Variants in TTC29 observed in about 807,000 individuals in gnomAD.
TTC29 encodes the protein tetratricopeptide repeat domain 29, also known as tetratricopeptide repeat protein 29.
Under a neutral mutation model 58.1 loss-of-function variants are expected in TTC29, and 49 were observed. The ratio of observed to expected loss-of-function variants is 0.84; its 90% CI spans 0.67 to 1.07. TTC29 has a LOEUF of 1.07. Among genes scored for constraint, TTC29 ranks in the 50% least tolerant of loss-of-function variants. The pLI, the probability that TTC29 is intolerant of heterozygous loss-of-function variation, is 0.00. For missense variants in TTC29, 582 were observed against 555.6 expected (o/e 1.05, Z -0.48); for synonymous variants, 209 against 196.8 (o/e 1.06, Z -0.52).
chr4:146,716,114 T>C (rs1193347421), intron 11 of TTC29, among the ~76,000 whole-genome samples: 1 of 152,162 alleles, frequency 6.6e-6, no homozygotes, highest in Non-Finnish European at 1.5e-5. Context: ...TAAGAAAGCC[T>C]GTCTCTAATT....
At position 146,728,425 on chromosome 4, in the gene TTC29, T is replaced by C. The variant is rs116578220; in HGVS notation, c.1331-20874A>G. ...CAACTCCTACACATATATAAGGCTT[T>C]TAAAATTTGCTTGCCCTTCAGCCTG... On this transcript the variant is annotated intron_variant, in intron 11 of 12. Coordinates refer to ENST00000325106, the MANE Select transcript of TTC29 (RefSeq NM_031956.4). Among the ~76,000 whole-genome samples, 457 of 152,064 alleles carry C rather than the reference T, an allele frequency of 3.0e-3. 6 individuals are homozygous for C. The highest frequency in any genetic ancestry group is 0.01 in the African/African-American group (428 of 41,514).
chr4:146,737,591 G>GGC (rs1554007342), intron 11 of TTC29, among the ~76,000 whole-genome samples: 3 of 8,834 alleles, frequency 3.4e-4, no homozygotes, highest in Non-Finnish European at 1.0e-3. Flanking sequence ...TAGTAGCCCT[G>GGC]GGGGGGGGGG....
At chr4:146,890,859 C>CT (rs758592311) in intron 6 of TTC29, among the ~76,000 whole-genome samples, 48 of 151,824 alleles carry the variant, frequency 3.2e-4, no homozygotes, top group Admixed American at 7.9e-4. Context: ...TTGTTTTTTG[C>CT]TTTTTTTTAA....
chr4:146,767,990 C>T (rs1561106128), intron 11 of TTC29, among the ~76,000 whole-genome samples: 1 of 152,110 alleles, frequency 6.6e-6, no homozygotes, highest in East Asian at 1.9e-4. Flanking sequence ...TTCCATGATT[C>T]TATGAACATA....
At chr4:146,872,459 G>C (rs1730994668) in intron 7 of TTC29, among the ~76,000 whole-genome samples, 1 of 151,784 alleles carries the variant, frequency 6.6e-6, no homozygotes, top group Non-Finnish European at 1.5e-5. Context: ...AAAACCCACA[G>C]AATAGGAGAA....
At chr4:146,913,932 A>G (rs1734057270) in intron 4 of TTC29, among the ~76,000 whole-genome samples, 1 of 152,210 alleles carries the variant, frequency 6.6e-6, no homozygotes, top group Non-Finnish European at 1.5e-5. Context: ...CATTCTTTAC[A>G]GATGATGTTA....
chr4:146,913,797 C>T (rs565363362), intron 4 of TTC29, among the ~76,000 whole-genome samples: 2 of 152,076 alleles, frequency 1.3e-5, no homozygotes, highest in South Asian at 4.1e-4. Flanking sequence ...TGTCTGTGAC[C>T]AAAGAACACT....
intron 6 of TTC29, among the ~76,000 whole-genome samples, chr4:146,889,431 GA>G (rs1159153230): frequency 2.6e-5 from 4 of 152,104 alleles, no homozygotes; most frequent in Admixed American, 2.6e-4. Context: ...CTAACAGTGT[GA>G]AAAGGAATAA....
chr4:146,732,312 T>C (rs951676906), intron 11 of TTC29, among the ~76,000 whole-genome samples: 3 of 152,184 alleles, frequency 2.0e-5, no homozygotes, highest in Non-Finnish European at 2.9e-5. Context: ...CTATTGGAAG[T>C]ATTTTAAGAA....
intron 5 of TTC29, among the ~76,000 whole-genome samples, chr4:146,905,093 G>T (rs1407196653): frequency 6.6e-6 from 1 of 152,188 alleles, no homozygotes; most frequent in Non-Finnish European, 1.5e-5. Context: ...CCAGGTGACA[G>T]CTCAGGTGAA....
intron 11 of TTC29, among the ~76,000 whole-genome samples, chr4:146,781,880 G>A (rs902211227): frequency 6.6e-6 from 1 of 151,696 alleles, no homozygotes; most frequent in East Asian, 1.9e-4. Flanking sequence ...AGAAATCAGT[G>A]GTAGAGTAAA....
chr4:146,895,491 A>G (rs1462667928), intron 6 of TTC29, among the ~76,000 whole-genome samples: 1 of 151,754 alleles, frequency 6.6e-6, no homozygotes, highest in Non-Finnish European at 1.5e-5. Flanking sequence ...GAGGCAGGAC[A>G]TATCCGACTG....
chr4:146,825,527 T>C (rs906503610), intron 9 of TTC29, among the ~76,000 whole-genome samples: 5 of 152,204 alleles, frequency 3.3e-5, no homozygotes, highest in Admixed American at 6.5e-5. Context: ...TCCAATTATG[T>C]GGTCAATTTT....
Position 146,820,141 on chromosome 4 carries a change from T to C in TTC29, c.1085A>G (p.Asp362Gly). The C allele has an allele frequency of 6.2e-7, 1 of 1,613,048 alleles. No individual in the cohort carries two copies. The highest frequency in any genetic ancestry group is 1.7e-5 in the Admixed American group (1 of 59,964). The change falls in exon 10 of 13, where the codon GAC becomes GGC. Residue 362 changes from aspartate to glycine, a missense_variant. Coordinates refer to ENST00000325106, the MANE Select transcript of TTC29 (RefSeq NM_031956.4). ...DLVRASTMLG[D>G]IYNEKGYYNK... ...TAGACTCACTTTTTCATTGTAGATG[T>C]CCCCAAGCATTGTACTTGCTCTCAC...
At chr4:146,893,212 C>T (rs1239181865) in intron 6 of TTC29, among the ~76,000 whole-genome samples, 3 of 152,064 alleles carry the variant, frequency 2.0e-5, no homozygotes, top group Admixed American at 1.3e-4. Context: ...AAACAGAGCT[C>T]GCATCACCAA....
At chr4:146,794,855 G>A (rs1749727992) in intron 11 of TTC29, among the ~76,000 whole-genome samples, 1 of 151,998 alleles carries the variant, frequency 6.6e-6, no homozygotes, top group Admixed American at 6.6e-5. Context: ...TGTTACATAG[G>A]TAAATGGAAA....
rs72731899 is a variant in TTC29 at position 146,813,266 on chromosome 4, G to A, written c.1101+6859C>T. Among the ~76,000 whole-genome samples, 1,439 of 152,250 alleles carry A rather than the reference G, an allele frequency of 9.5e-3. 13 individuals carry two copies. The highest frequency in any genetic ancestry group is 0.014 in the Non-Finnish European group (950 of 68,020). On this transcript the variant is annotated intron_variant, in intron 10 of 12. Coordinates refer to ENST00000325106, the MANE Select transcript of TTC29 (RefSeq NM_031956.4). ...TGGAACCACCATTCTTTTTAACTAT[G>A]TCATTAGTCTATGATTTTATTAAGG...
intron 8 of TTC29, among the ~76,000 whole-genome samples, chr4:146,856,398 A>C (rs1391763730): frequency 1.3e-5 from 2 of 152,120 alleles, no homozygotes; most frequent in Non-Finnish European, 2.9e-5. Flanking sequence ...ATGTTAAAAA[A>C]AATCAATAAA....
intron 8 of TTC29, among the ~76,000 whole-genome samples, chr4:146,862,790 G>A (rs569110281): frequency 1.3e-5 from 2 of 152,214 alleles, no homozygotes; most frequent in African/African-American, 4.8e-5. Context: ...CTAGTTTCCC[G>A]AAGCCTCTAC....
Sources: allele counts gnomAD v4.1 joint callset (sites outside exome capture counted in the v4.1 genomes callset), GRCh38; gene constraint gnomAD v4.1.1; transcripts MANE v1.5; gene names NCBI Gene and HGNC (gene_info 2026-07-23, HGNC 2026-07-21).